Variants in ZNF320 observed in about 807,000 individuals in gnomAD.
The protein encoded by ZNF320 is zinc finger protein 320, also known as zinc finger gene 320.
Under a neutral mutation model 6.8 loss-of-function variants are expected in ZNF320, and 2 were observed. That is an observed-to-expected ratio of 0.29 (90% CI 0.12 to 0.93). The LOEUF is 0.93. Among genes scored for constraint, ZNF320 ranks in the 40% least tolerant of loss-of-function variants. The probability of loss-of-function intolerance (pLI) is 0.55; values close to 1 mark genes in which losing one functional copy is unlikely to be tolerated. For synonymous variants in ZNF320, 208 were observed against 203.2 expected (o/e 1.02, Z -0.20); for missense variants, 472 against 611.0 (o/e 0.77, Z 2.40).
At chr19:52,865,662 C>T (rs1438897881) in intron 5 of ZNF320, among the ~76,000 whole-genome samples, 1 of 119,830 alleles carries the variant, frequency 8.3e-6, no homozygotes, top group East Asian at 2.3e-4. Context: ...TATGATTATA[C>T]ATATATATTA....
chr19:52,875,168 G>A (rs186615384), downstream of ZNF320, among the ~76,000 whole-genome samples: 1 of 152,102 alleles, frequency 6.6e-6, no homozygotes, highest in East Asian at 1.9e-4. Context: ...AATACATGCT[G>A]TCAAGTTTGG....
At position 52,864,662 on chromosome 19, in the gene ZNF320, G is replaced by A. The variant is rs148808647; in HGVS notation, c.224-503C>T. Among the ~76,000 whole-genome samples, 801 of 152,186 alleles carry A rather than the reference G, an allele frequency of 5.3e-3. 9 individuals carry two copies. The highest frequency in any genetic ancestry group is 0.016 in the African/African-American group (682 of 41,508). On this transcript the variant is annotated intron_variant, in intron 5 of 5. Transcript: ENST00000673631. Reference sequence around the variant, plus strand: ...GGAGGCAGAGGATGCAGTGAGCCAAGATAACATCAGTGCACTATAGCTGGA... The same window carrying A: ...GGAGGCAGAGGATGCAGTGAGCCAAAATAACATCAGTGCACTATAGCTGGA...
intron 5 of ZNF320, among the ~76,000 whole-genome samples, chr19:52,866,942 C>T (rs1377207566): frequency 6.7e-6 from 1 of 149,738 alleles, no homozygotes; most frequent in Non-Finnish European, 1.5e-5. Flanking sequence ...GTCACGACTA[C>T]AGTTAAATAA....
chr19:52,872,164 C>T (rs1442821863), downstream of ZNF320, among the ~76,000 whole-genome samples: 1 of 152,102 alleles, frequency 6.6e-6, no homozygotes, highest in African/African-American at 2.4e-5. Flanking sequence ...CAGAAAGGGC[C>T]CCAAAGTGAC....
downstream of ZNF320, among the ~76,000 whole-genome samples, chr19:52,872,588 G>A (rs1402140259): frequency 5.3e-5 from 8 of 152,186 alleles, no homozygotes; most frequent in South Asian, 1.5e-3. Context: ...TGAAACCTCC[G>A]CCTCCCGGGT....
At chr19:52,867,554 A>AT (rs2063599213) in intron 5 of ZNF320, among the ~76,000 whole-genome samples, 1 of 152,020 alleles carries the variant, frequency 6.6e-6, no homozygotes, top group African/African-American at 2.4e-5. Context: ...ATTTGAGATA[A>AT]TTTGGTCATG....
chr19:52,874,276 T>G (rs2063728636), downstream of ZNF320: 1 of 180,216 alleles, frequency 5.5e-6, no homozygotes, highest in South Asian at 1.1e-4. Flanking sequence ...TCTCCCCTCC[T>G]GGAAAAGTCC....
At chr19:52,865,716 T>TACACATATTTATATATATGATTATAC (rs2063545568) in intron 5 of ZNF320, among the ~76,000 whole-genome samples, 1 of 128,122 alleles carries the variant, frequency 7.8e-6, no homozygotes, top group African/African-American at 3.2e-5. Context: ...TATATGATTA[T>TACACATATTTATATATATGATTATAC]ACACATATTT....
downstream of ZNF320, among the ~76,000 whole-genome samples, chr19:52,875,584 G>A (rs1482691553): frequency 6.6e-6 from 1 of 152,138 alleles, no homozygotes; most frequent in Non-Finnish European, 1.5e-5. Context: ...ATTTGGCAAA[G>A]TATTTCAGGG....
At chr19:52,883,768 G>A (rs1245384091) in intron 5 of ZNF320, 1 of 327,880 alleles carries the variant, frequency 3.0e-6, no homozygotes, top group African/African-American at 2.3e-5. Context: ...GGACGTGGTG[G>A]CAGGTGCATG....
intron 3 of ZNF320, 149 bp from the exon 4 acceptor site, chr19:52,890,477 A>C: frequency 1.6e-6 from 1 of 634,610 alleles, no homozygotes; most frequent in South Asian, 2.3e-5. Context: ...CTACAGGAAA[A>C]CTCCCACTAC....
rs903727027 is a variant in ZNF320 at position 52,877,916 on chromosome 19, T to C, written c.*2680A>G. On this transcript the variant is annotated 3_prime_UTR_variant, in exon 6 of 6. Coordinates refer to ENST00000682928, the MANE Select transcript of ZNF320 (RefSeq NM_001351774.2). Reference sequence around the variant, plus strand: ...AAAAAACAAAACAAACAAAACAGAATTTAAAATACAGAATTAAGTCATTTG... The same window carrying C: ...AAAAAACAAAACAAACAAAACAGAACTTAAAATACAGAATTAAGTCATTTG... The C allele has an allele frequency of 1.3e-5, 2 of 152,168 alleles. No homozygotes were observed. Among genetic ancestry groups the C allele is most frequent in the Non-Finnish European group, 2.9e-5 (2 of 68,054 alleles). 9.4% of individuals were successfully genotyped at this position (152,168 alleles called of 1,614,324 possible).
At chr19:52,900,404 T>C (rs1327187619), upstream of ZNF320, among the ~76,000 whole-genome samples, 3 of 152,186 alleles carry the variant, frequency 2.0e-5, no homozygotes, top group African/African-American at 7.2e-5. Flanking sequence ...AGGGTGGTTC[T>C]TTTGGGCTGG....
At position 52,876,982 on chromosome 19, in the gene ZNF320, C is replaced by T. The variant is rs893523727; in HGVS notation, c.*3614G>A. On this transcript the variant is annotated 3_prime_UTR_variant, in exon 6 of 6. Transcript: ENST00000682928. ...ATTTGCCCGGTGCGGTGGCACCTGG[C>T]TATGGTCCTAGCAACTTTGGAGGCT... 2.0e-5 allele frequency: 3 copies of T among 152,174 alleles called. No individual in the cohort carries two copies. Among genetic ancestry groups the T allele is most frequent in the African/African-American group, 7.2e-5 (3 of 41,424 alleles). 9.4% of individuals were successfully genotyped at this position (152,174 alleles called of 1,614,324 possible). A position where few individuals can be genotyped will look rare whatever the true frequency, so the allele number is the denominator to read the frequency against.
chr19:52,899,202 A>G (rs2064554727), upstream of ZNF320, among the ~76,000 whole-genome samples: 1 of 152,160 alleles, frequency 6.6e-6, no homozygotes, highest in Non-Finnish European at 1.5e-5. Context: ...GCAGCTTTTT[A>G]TTACTATTAT....
the ZNF320 span, among the ~76,000 whole-genome samples, chr19:52,903,703 T>TA: frequency 1.6e-5 from 2 of 123,088 alleles, no homozygotes; most frequent in Non-Finnish European, 3.1e-5. Flanking sequence ...GCCTGAACTA[T>TA]GTTTTTTTTT....
chr19:52,860,938 T>A (rs887199875), exon 6 of ZNF320, among the ~76,000 whole-genome samples: 1 of 152,162 alleles, frequency 6.6e-6, no homozygotes, highest in African/African-American at 2.4e-5. Flanking sequence ...GAGACACCAC[T>A]CTTTTGTAAT....
intron 5 of ZNF320, among the ~76,000 whole-genome samples, chr19:52,884,742 G>A (rs187710759): frequency 8.5e-5 from 13 of 152,234 alleles, no homozygotes; most frequent in Admixed American, 7.9e-4. Context: ...ATGAGCCACC[G>A]TGGCCAGTCA....
intron 5 of ZNF320, among the ~76,000 whole-genome samples, chr19:52,867,737 G>C (rs922652251): frequency 6.6e-6 from 1 of 151,770 alleles, no homozygotes; most frequent in Admixed American, 6.6e-5. Context: ...TCAGCCTCCC[G>C]TGTAGCTGGG....
Sources: allele counts gnomAD v4.1 joint callset (sites outside exome capture counted in the v4.1 genomes callset), GRCh38; gene constraint gnomAD v4.1.1; transcripts MANE v1.5; gene names NCBI Gene and HGNC (gene_info 2026-07-23, HGNC 2026-07-21).